The following TEX11 variants were observed in gnomAD, a reference collection of about 807,000 sequenced individuals.
TEX11 encodes the protein testis expressed 11.
TEX11 carries 7 observed loss-of-function variants against 84.4 expected under a neutral mutation model. That is an observed-to-expected ratio of 0.08 (90% CI 0.05 to 0.16). TEX11 has a LOEUF of 0.16. Among genes scored for constraint, TEX11 ranks in the 10% least tolerant of loss-of-function variants. TEX11 has a pLI of 1.00. For missense variants in TEX11, 551 were observed against 660.5 expected, an observed-to-expected ratio of 0.83 and a Z score of 1.82; for synonymous variants, 264 against 222.8, an observed-to-expected ratio of 1.18 and a Z score of -1.64.
chrX:70,855,650 C>T (rs760842386), intron 5 of TEX11, among the ~76,000 whole-genome samples: 6 of 111,174 alleles, frequency 5.4e-5, no homozygotes, highest in Non-Finnish European at 1.1e-4. Flanking sequence ...CCTCCAACAC[C>T]TCAGAATGTA....
chrX:70,770,400 G>A (rs1257467481), intron 9 of TEX11, among the ~76,000 whole-genome samples: 1 of 111,269 alleles, frequency 9.0e-6, no homozygotes, highest in Admixed American at 9.6e-5. Context: ...AAATATAATA[G>A]TTCTTTTAAA....
rs745426270 is a variant in TEX11 at position 70,865,777 on chromosome X, T to C, written c.245-4841A>G. Among the ~76,000 whole-genome samples, 81 of 111,753 alleles carry C rather than the reference T, an allele frequency of 7.2e-4. 3 individuals carry two copies. The highest frequency in any genetic ancestry group is 2.2e-3 in the South Asian group (6 of 2,674). On this transcript the variant is annotated intron_variant, in intron 4 of 29. Transcript: ENST00000374333. ...AACTACATGGAAATTGAACAACCTG[T>C]TCCTGAATGACTACTGGGTAAATAA...
rs1217816521 is a variant in TEX11 at position 70,770,276 on chromosome X, T to C, written c.693-26057A>G. ...AAATACATTTATAATTTCTTTGTTA[T>C]TTCCTTTATTTCTCAATATAAGACC... On this transcript the variant is annotated intron_variant, in intron 9 of 29. Coordinates refer to ENST00000374333, the MANE Select transcript of TEX11 (RefSeq NM_031276.3). 4.4e-5 allele frequency among the ~76,000 whole-genome samples: 5 copies of C among 112,367 alleles called. No homozygotes were observed. In the Admixed American group the frequency reaches 4.7e-4, roughly 11 times the overall value.
In TEX11 at chrX:70,853,095, G is replaced by A; in HGVS notation, c.464C>T (p.Thr155Ile). ...ACTCTCAACAGTAATCTTCTCCATG[G>A]TCAAGTCAGCCTCAGGGGAGCTCCT... ...IQRSSPEADL[T>I]MEKITVESDH... Residue 155 changes from threonine (T) to isoleucine (I), a missense_variant, in exon 7 of 30, where the codon ACC becomes ATC. By Grantham distance (89) the Thr-to-Ile change is moderately conservative (BLOSUM62 -1). Coordinates refer to ENST00000374333, the MANE Select transcript of TEX11 (RefSeq NM_031276.3). 6 of 1,208,626 alleles carry A rather than the reference G, an allele frequency of 5.0e-6. No homozygotes were observed. The highest frequency in any genetic ancestry group is 6.7e-6 in the Non-Finnish European group (6 of 893,524).
In TEX11 at chrX:70,744,223, T is replaced by A; in HGVS notation, c.693-4A>T. ...CTTCCCAATATCATAGCTTTGGCTATCATTAAAAAGGAAAAAAAATATATA... is the reference window on the plus strand; with the variant it reads ...CTTCCCAATATCATAGCTTTGGCTAACATTAAAAAGGAAAAAAAATATATA... On this transcript the variant is annotated splice_polypyrimidine_tract_variant and splice_region_variant and intron_variant, in intron 9 of 29. Coordinates refer to ENST00000374333, the MANE Select transcript of TEX11 (RefSeq NM_031276.3). 1 of 882,204 alleles carries A rather than the reference T, an allele frequency of 1.1e-6. No individual in the cohort carries two copies. The highest frequency in any genetic ancestry group is 1.4e-6 in the Non-Finnish European group (1 of 704,553). The allele number at this position is 882,204 out of a possible 1,213,427, so 72.7% of individuals were successfully genotyped here.
chrX:70,692,162 T>C (rs1321186646), intron 13 of TEX11, among the ~76,000 whole-genome samples: 1 of 112,100 alleles, frequency 8.9e-6, no homozygotes, highest in South Asian at 3.7e-4. Context: ...GTATACAATT[T>C]GATGAGTTTG....
intron 11 of TEX11, among the ~76,000 whole-genome samples, chrX:70,738,866 A>G (rs780502439): frequency 9.0e-6 from 1 of 110,854 alleles, no homozygotes; most frequent in Admixed American, 9.6e-5. Context: ...ACCAAACACC[A>G]CATGTTCTCA....
chrX:70,611,481 G>A (rs182694563), intron 20 of TEX11, among the ~76,000 whole-genome samples: 1 of 112,241 alleles, frequency 8.9e-6, no homozygotes, highest in African/African-American at 3.2e-5. Context: ...GGAGGACCCA[G>A]TCATAAGGAG....
chrX:70,685,002 C>A (rs1296522037), intron 13 of TEX11, among the ~76,000 whole-genome samples: 5 of 111,798 alleles, frequency 4.5e-5, no homozygotes, highest in African/African-American at 1.3e-4. Context: ...CCCCAAAAAA[C>A]CAAGTATATA....
chrX:70,800,223 A>G (rs2091179004), intron 9 of TEX11, among the ~76,000 whole-genome samples: 1 of 111,115 alleles, frequency 9.0e-6, no homozygotes, highest in African/African-American at 3.3e-5. Flanking sequence ...AGAGAACAAT[A>G]GATACTGAGG....
chrX:70,644,837 G>T (rs771998661), intron 17 of TEX11, among the ~76,000 whole-genome samples: 292 of 100,303 alleles, frequency 2.9e-3, no homozygotes, highest in Middle Eastern at 5.0e-3. Context: ...AGGAGTTAGT[G>T]GGTGCAGCAC....
intron 9 of TEX11, among the ~76,000 whole-genome samples, chrX:70,774,612 TA>T (rs2090990717): frequency 9.0e-6 from 1 of 111,489 alleles, no homozygotes; most frequent in Admixed American, 9.6e-5. Flanking sequence ...ATACCCCATT[TA>T]AAACAGCTAC....
chrX:70,763,522 A>G (rs1442694000), intron 9 of TEX11, among the ~76,000 whole-genome samples: 1 of 110,698 alleles, frequency 9.0e-6, no homozygotes, highest in Non-Finnish European at 1.9e-5. Context: ...CGGGTATGCC[A>G]AAATCTCAGA....
chrX:70,701,908 G>A (rs1188505128), intron 13 of TEX11, among the ~76,000 whole-genome samples: 1 of 111,519 alleles, frequency 9.0e-6, no homozygotes, highest in Non-Finnish European at 1.9e-5. Flanking sequence ...ACTGGGGCCT[G>A]AAGATATGAT....
chrX:70,708,984 G>A (rs1054148429), intron 13 of TEX11, among the ~76,000 whole-genome samples: 1 of 108,855 alleles, frequency 9.2e-6, no homozygotes. Context: ...AATCCCTCTA[G>A]GGAAAAAACC....
At chrX:70,559,496 A>G (rs765466925) in intron 25 of TEX11, among the ~76,000 whole-genome samples, 1 of 112,294 alleles carries the variant, frequency 8.9e-6, no homozygotes, top group African/African-American at 3.2e-5. Context: ...TGGTGGTTGC[A>G]CATATCTGTG....
At chrX:70,511,433 G>A in the TEX11 span, among the ~76,000 whole-genome samples, 1 of 111,685 alleles carries the variant, frequency 9.0e-6, no homozygotes, top group Non-Finnish European at 1.9e-5. Context: ...GATAAGTGCT[G>A]TTAATGAAAA....
At chrX:70,645,289 T>TAAA (rs200740930) in intron 17 of TEX11, among the ~76,000 whole-genome samples, 1 of 103,680 alleles carries the variant, frequency 9.6e-6, no homozygotes, top group Admixed American at 1.0e-4. Flanking sequence ...TTCCATGATT[T>TAAA]AAAAAAAAAA....
intron 3 of TEX11, among the ~76,000 whole-genome samples, chrX:70,876,295 G>A (rs1440527360): frequency 9.8e-5 from 11 of 111,751 alleles, no homozygotes; most frequent in Middle Eastern, 9.3e-3. Flanking sequence ...TTATATTGAA[G>A]TGGTGTGTTT....
Sources: allele counts gnomAD v4.1 joint callset (sites outside exome capture counted in the v4.1 genomes callset), GRCh38; gene constraint gnomAD v4.1.1; transcripts MANE v1.5; gene names NCBI Gene and HGNC (gene_info 2026-07-23, HGNC 2026-07-21).